The following GRM8 variants were observed in gnomAD, a reference collection of about 807,000 sequenced individuals.
GRM8 encodes the protein metabotropic glutamate receptor 8.
Under a neutral mutation model 87.2 loss-of-function variants are expected in GRM8, and 47 were observed. The ratio of observed to expected loss-of-function variants is 0.54; its 90% CI spans 0.43 to 0.69. The LOEUF (loss-of-function observed/expected upper bound fraction) is 0.69, where lower values mean the gene tolerates loss of function less well. GRM8 is among the 30% of genes least tolerant of loss of function. GRM8 has a pLI of 0.00. For missense variants in GRM8, 1,019 were observed against 1,139.2 expected, an observed-to-expected ratio of 0.89 and a Z score of 1.52; for synonymous variants, 396 against 404.5, an observed-to-expected ratio of 0.98 and a Z score of 0.25.
At chr7:126,863,147 T>C (rs997543642) in intron 6 of GRM8, among the ~76,000 whole-genome samples, 17 of 152,162 alleles carry the variant, frequency 1.1e-4, no homozygotes, top group African/African-American at 4.1e-4. Flanking sequence ...TTTTTATATA[T>C]ACTATGTTCA....
At chr7:127,015,058 G>GAAC (rs1563413288) in intron 3 of GRM8, among the ~76,000 whole-genome samples, 20 of 108,372 alleles carry the variant, frequency 1.8e-4, no homozygotes, top group African/African-American at 3.5e-4. Context: ...AGAAGAAGAA[G>GAAC]AAGAAGAAGA....
At chr7:126,871,074 A>G (rs1001982151) in intron 6 of GRM8, among the ~76,000 whole-genome samples, 5 of 152,170 alleles carry the variant, frequency 3.3e-5, no homozygotes, top group African/African-American at 1.2e-4. Flanking sequence ...AGAGGAAGAA[A>G]GAAGAAATCA....
intron 3 of GRM8, among the ~76,000 whole-genome samples, chr7:127,073,597 A>G (rs1313344996): frequency 6.6e-6 from 1 of 152,166 alleles, no homozygotes; most frequent in Non-Finnish European, 1.5e-5. Context: ...GTCTAACTCC[A>G]CAGGCTGATT....
At chr7:126,796,245 A>T (rs1821937262) in intron 6 of GRM8, among the ~76,000 whole-genome samples, 1 of 152,090 alleles carries the variant, frequency 6.6e-6, no homozygotes, top group Non-Finnish European at 1.5e-5. Flanking sequence ...ATGATTTCAG[A>T]TTTCCTGAAA....
chr7:127,245,381 A>T (rs1563606408), intron 1 of GRM8, among the ~76,000 whole-genome samples: 1 of 152,170 alleles, frequency 6.6e-6, no homozygotes. Context: ...GGGGGAGTGG[A>T]TGGGTCTTGG....
At position 126,533,230 on chromosome 7, in the gene GRM8, G is replaced by C. The variant is rs770527898; in HGVS notation, c.2152C>G (p.Pro718Ala). Residue 718 changes from proline to alanine, a missense_variant, in exon 9 of 11, where the codon CCC becomes GCC. Transcript: ENST00000339582. Reference protein sequence around the residue: ...LGVFVWFVVDPPHIIIDYGEQ... With the variant: ...LGVFVWFVVDAPHIIIDYGEQ... Reference sequence around the variant, plus strand: ...CCATAGTCAATGATGATGTGGGGGGGATCCACAACAAACCAGACAAACACT... The same window carrying C: ...CCATAGTCAATGATGATGTGGGGGGCATCCACAACAAACCAGACAAACACT... 4 of 1,613,224 alleles carry C rather than the reference G, an allele frequency of 2.5e-6. No homozygotes were observed. The highest frequency in any genetic ancestry group is 3.4e-6 in the Non-Finnish European group (4 of 1,179,798).
intron 3 of GRM8, among the ~76,000 whole-genome samples, chr7:127,021,623 A>G (rs1772764997): frequency 6.6e-6 from 1 of 152,090 alleles, no homozygotes; most frequent in African/African-American, 2.4e-5. Flanking sequence ...CCTAAATTAA[A>G]TATCCCTAGT....
chr7:126,877,366 G>A (rs73723521), intron 6 of GRM8, among the ~76,000 whole-genome samples: 7,553 of 152,166 alleles, frequency 0.05, 650 homozygotes, highest in African/African-American at 0.17. Flanking sequence ...GCTGGCACTC[G>A]TCAGATGTGG....
At chr7:126,718,322 G>A (rs1012900938) in intron 7 of GRM8, among the ~76,000 whole-genome samples, 9 of 152,028 alleles carry the variant, frequency 5.9e-5, no homozygotes, top group Non-Finnish European at 1.3e-4. Flanking sequence ...CATATTAGGA[G>A]GTTAAAAAAA....
intron 2 of GRM8, among the ~76,000 whole-genome samples, chr7:127,130,502 G>A (rs1827625845): frequency 6.6e-6 from 1 of 152,218 alleles, no homozygotes; most frequent in South Asian, 2.1e-4. Flanking sequence ...CTGGAGTACA[G>A]GTCACTCATG....
intron 9 of GRM8, among the ~76,000 whole-genome samples, chr7:126,477,339 T>C (rs914077604): frequency 1.3e-5 from 2 of 152,124 alleles, no homozygotes; most frequent in South Asian, 2.1e-4. Flanking sequence ...GACTGTTTTG[T>C]ATACTAAAAA....
rs1159514677 is a variant in GRM8 at position 127,106,584 on chromosome 7, C to G, written c.639G>C (p.Leu213=). 6.2e-7 allele frequency: 1 copy of G among 1,614,008 alleles called. No individual in the cohort carries two copies. Among genetic ancestry groups the G allele is most frequent in the Non-Finnish European group, 8.5e-7 (1 of 1,180,016 alleles). ...CCAGTGTCGAAACATAATTCCATCCCAGTGCTGTCACGATGTCCACCATGG... is the reference window on the plus strand; with the variant it reads ...CCAGTGTCGAAACATAATTCCATCCGAGTGCTGTCACGATGTCCACCATGG... ...AQAMVDIVTA[L]GWNYVSTLAS... Residue 213 remains leucine (L), a synonymous_variant, in exon 3 of 11, where the codon CTG becomes CTC. Coordinates refer to ENST00000339582, the MANE Select transcript of GRM8 (RefSeq NM_000845.3).
intron 7 of GRM8, among the ~76,000 whole-genome samples, chr7:126,625,919 T>C (rs892983290): frequency 6.6e-6 from 1 of 152,212 alleles, no homozygotes; most frequent in African/African-American, 2.4e-5. Context: ...GAATCTAATA[T>C]ATTTTCATTC....
At chr7:126,630,684 G>A (rs2188297) in intron 7 of GRM8, among the ~76,000 whole-genome samples, 46,668 of 151,844 alleles carry the variant, frequency 0.31, 7,989 homozygotes, top group East Asian at 0.43. Flanking sequence ...TATCCAGGAT[G>A]ATCAAGTAGA....
chr7:126,629,446 T>C (rs1801031584), intron 7 of GRM8, among the ~76,000 whole-genome samples: 1 of 152,190 alleles, frequency 6.6e-6, no homozygotes, highest in Non-Finnish European at 1.5e-5. Flanking sequence ...TTCTTTTATC[T>C]TGGGTTATGC....
intron 8 of GRM8, among the ~76,000 whole-genome samples, chr7:126,572,966 G>A (rs752597043): frequency 9.2e-5 from 14 of 152,078 alleles, no homozygotes; most frequent in Non-Finnish European, 2.1e-4. Context: ...CTAAAAGAAT[G>A]ATGATTGGAA....
chr7:126,516,061 A>G (rs1369386783), intron 9 of GRM8, among the ~76,000 whole-genome samples: 1 of 152,068 alleles, frequency 6.6e-6, no homozygotes, highest in East Asian at 1.9e-4. Context: ...ATGTATTTGT[A>G]GAATTTTATT....
chr7:127,198,251 T>C (rs1045946920), intron 2 of GRM8, among the ~76,000 whole-genome samples: 1 of 152,212 alleles, frequency 6.6e-6, no homozygotes, highest in African/African-American at 2.4e-5. Context: ...ATTACATTAT[T>C]GTAAACTAAT....
chr7:126,489,379 G>T (rs1174287144), intron 9 of GRM8, among the ~76,000 whole-genome samples: 3 of 152,052 alleles, frequency 2.0e-5, no homozygotes, highest in Non-Finnish European at 2.9e-5. Context: ...ACACACAATG[G>T]AGACATCTTT....
Sources: gnomAD v4.1 joint callset for allele counts (sites outside exome capture counted in the v4.1 genomes callset) on GRCh38, gnomAD v4.1.1 for gene constraint, MANE v1.5 for transcripts, NCBI Gene and HGNC (gene_info 2026-07-23, HGNC 2026-07-21) for gene names.